The following BCL2 variants were observed in gnomAD, a reference collection of about 807,000 sequenced individuals.
BCL2 encodes the protein apoptosis regulator Bcl-2.
In BCL2, 1 loss-of-function variant was observed where a neutral mutation model predicts 14.2. That is an observed-to-expected ratio of 0.07 (90% CI 0.02 to 0.33). BCL2 has a LOEUF of 0.33. BCL2 is among the 10% of genes least tolerant of loss of function. BCL2 has a pLI of 0.99. For synonymous variants in BCL2, 151 were observed against 137.2 expected, an observed-to-expected ratio of 1.10 and a Z score of -0.70; for missense variants, 247 against 305.9, an observed-to-expected ratio of 0.81 and a Z score of 1.44.
intron 2 of BCL2, among the ~76,000 whole-genome samples, chr18:63,258,964 T>G (rs1911570702): frequency 6.6e-6 from 1 of 152,222 alleles, no homozygotes; most frequent in Non-Finnish European, 1.5e-5. Context: ...AAGATTTCAG[T>G]AATTATGTTA....
At chr18:63,154,252 C>G (rs1008905336) in intron 2 of BCL2, among the ~76,000 whole-genome samples, 2 of 152,178 alleles carry the variant, frequency 1.3e-5, no homozygotes, top group African/African-American at 4.8e-5. Context: ...CTTAGGATGT[C>G]TCCTCTTTCT....
intron 2 of BCL2, among the ~76,000 whole-genome samples, chr18:63,275,966 G>A (rs906790254): frequency 1.3e-5 from 2 of 152,252 alleles, no homozygotes; most frequent in Admixed American, 6.5e-5. Context: ...ATGGTGGGAA[G>A]GGAGTGATGG....
At chr18:63,184,702 G>A (rs1033773318) in intron 2 of BCL2, among the ~76,000 whole-genome samples, 2 of 152,236 alleles carry the variant, frequency 1.3e-5, no homozygotes, top group Non-Finnish European at 2.9e-5. Context: ...ATATTTGAAG[G>A]CTTCTGTAAA....
At chr18:63,200,788 AT>A (rs1909668472) in intron 2 of BCL2, among the ~76,000 whole-genome samples, 1 of 151,822 alleles carries the variant, frequency 6.6e-6, no homozygotes, top group African/African-American at 2.4e-5. Flanking sequence ...CGCCTGGTTA[AT>A]TTTTTAATAT....
chr18:63,304,375 A>G (rs1913057797), intron 2 of BCL2, among the ~76,000 whole-genome samples: 1 of 152,272 alleles, frequency 6.6e-6, no homozygotes, highest in South Asian at 2.1e-4. Context: ...CGGAAACCCT[A>G]CTGATGAAGG....
chr18:63,309,544 C>T (rs1913241327), intron 2 of BCL2, among the ~76,000 whole-genome samples: 1 of 152,224 alleles, frequency 6.6e-6, no homozygotes. Context: ...TTTGATTCTA[C>T]ACGTGCAGTG....
At chr18:63,128,786 AAAAG>A (rs1330235921) in intron 2 of BCL2, 27 bp from the exon 3 acceptor site, 2 of 773,850 alleles carry the variant, frequency 2.6e-6, no homozygotes, top group Admixed American at 1.7e-5. Flanking sequence ...GGAGGGAAGA[AAAAG>A]AAAGAGTATT....
chr18:63,205,872 A>G (rs1163905016), intron 2 of BCL2, among the ~76,000 whole-genome samples: 4 of 152,178 alleles, frequency 2.6e-5, no homozygotes, highest in Admixed American at 2.6e-4. Flanking sequence ...AGGCCTCCAG[A>G]GAATTTGACA....
chr18:63,273,301 G>A (rs1025842957), intron 2 of BCL2, among the ~76,000 whole-genome samples: 1 of 152,214 alleles, frequency 6.6e-6, no homozygotes, highest in Non-Finnish European at 1.5e-5. Flanking sequence ...TTTGCCTTGT[G>A]TCAGCCGACG....
chr18:63,259,368 G>A (rs1911586875), intron 2 of BCL2, among the ~76,000 whole-genome samples: 1 of 152,182 alleles, frequency 6.6e-6, no homozygotes, highest in Non-Finnish European at 1.5e-5. Flanking sequence ...TGCACGCAGG[G>A]CTTCGCTGAG....
At chr18:63,166,833 TATC>T (rs1272620707) in intron 2 of BCL2, among the ~76,000 whole-genome samples, 1 of 152,244 alleles carries the variant, frequency 6.6e-6, no homozygotes, top group Non-Finnish European at 1.5e-5. Context: ...CAGGTTTCTT[TATC>T]ATATTGGTTG....
intron 2 of BCL2, among the ~76,000 whole-genome samples, chr18:63,289,254 A>G (rs982832260): frequency 1.3e-5 from 2 of 152,330 alleles, no homozygotes; most frequent in Middle Eastern, 3.4e-3. Flanking sequence ...AGCATGTGAC[A>G]AGGCCTGGAA....
chr18:63,299,329 T>A (rs1912890713), intron 2 of BCL2, among the ~76,000 whole-genome samples: 1 of 152,248 alleles, frequency 6.6e-6, no homozygotes, highest in Non-Finnish European at 1.5e-5. Flanking sequence ...GATGATCAAC[T>A]GTGCACAATC....
intron 2 of BCL2, among the ~76,000 whole-genome samples, chr18:63,192,463 C>T (rs751982723): frequency 2.0e-5 from 3 of 152,084 alleles, no homozygotes; most frequent in Non-Finnish European, 4.4e-5. Flanking sequence ...TCTAGGATGA[C>T]GGGAAGTATT....
chr18:63,277,363 C>T (rs1015777315), intron 2 of BCL2, among the ~76,000 whole-genome samples: 4 of 152,010 alleles, frequency 2.6e-5, no homozygotes, highest in Admixed American at 6.5e-5. Flanking sequence ...CCGGGTGTGG[C>T]GGCTCATGTC....
chr18:63,156,252 C>T (rs1033278821), intron 2 of BCL2, among the ~76,000 whole-genome samples: 1 of 152,134 alleles, frequency 6.6e-6, no homozygotes, highest in Non-Finnish European at 1.5e-5. Flanking sequence ...CTGCAAATAA[C>T]TTTTCCCGTT....
chr18:63,205,445 A>G (rs1317004293), intron 2 of BCL2, among the ~76,000 whole-genome samples: 1 of 152,178 alleles, frequency 6.6e-6, no homozygotes, highest in African/African-American at 2.4e-5. Flanking sequence ...GACCTCACTA[A>G]CAGTGTCTGT....
chr18:63,243,139 T>A (rs571212534), intron 2 of BCL2, among the ~76,000 whole-genome samples: 1 of 152,274 alleles, frequency 6.6e-6, no homozygotes, highest in African/African-American at 2.4e-5. Flanking sequence ...TAAAGAAAAT[T>A]TGGTACATAT....
At chr18:63,317,849 G>T in intron 2 of BCL2, 1 of 1,401,996 alleles carries the variant, frequency 7.1e-7, no homozygotes. Flanking sequence ...TAGATCTTTG[G>T]ATCTCCACGA....
Sources: allele counts gnomAD v4.1 joint callset (sites outside exome capture counted in the v4.1 genomes callset), GRCh38; gene constraint gnomAD v4.1.1; transcripts MANE v1.5; gene names NCBI Gene and HGNC (gene_info 2026-07-23, HGNC 2026-07-21).